L3MBTL4: variants seen among roughly 807,000 people sequenced by gnomAD.
L3MBTL4 encodes the protein lethal(3)malignant brain tumor-like protein 4.
A neutral mutation model predicts 84.5 loss-of-function variants in L3MBTL4; 70 were observed. The ratio of observed to expected loss-of-function variants is 0.83; its 90% CI spans 0.68 to 1.01. The LOEUF is 1.01. Ranked by LOEUF, L3MBTL4 falls within the 50% of genes least tolerant of loss-of-function variation. The pLI, the probability that L3MBTL4 is intolerant of heterozygous loss-of-function variation, is 0.00. For missense variants in L3MBTL4, 715 were observed against 754.8 expected (o/e 0.95, Z 0.62); for synonymous variants, 274 against 259.8 (o/e 1.05, Z -0.52).
At chr18:6,288,089 T>C (rs768022448) in intron 4 of L3MBTL4, among the ~76,000 whole-genome samples, 5 of 152,214 alleles carry the variant, frequency 3.3e-5, no homozygotes, top group Non-Finnish European at 5.9e-5. Flanking sequence ...TCCCATTTTG[T>C]CAGAAAAATA....
chr18:5,958,070 GAA>G (rs2095239360), intron 18 of L3MBTL4, among the ~76,000 whole-genome samples: 2 of 35,754 alleles, frequency 5.6e-5, no homozygotes, highest in Non-Finnish European at 8.2e-5. Flanking sequence ...AGGAGAAGAA[GAA>G]GAAGAAGAAG....
chr18:6,125,486 T>C (rs570497618), intron 14 of L3MBTL4, among the ~76,000 whole-genome samples: 1 of 152,302 alleles, frequency 6.6e-6, no homozygotes, highest in South Asian at 2.1e-4. Flanking sequence ...TGGAGTGTAG[T>C]GGCGTGATCT....
chr18:6,048,646 G>A (rs775278278), intron 16 of L3MBTL4, among the ~76,000 whole-genome samples: 6 of 151,908 alleles, frequency 3.9e-5, no homozygotes, highest in East Asian at 1.9e-4. Flanking sequence ...AAAATTAGCC[G>A]GGTGTGGTGG....
At chr18:6,290,452 C>T (rs59923688) in intron 4 of L3MBTL4, among the ~76,000 whole-genome samples, 28,753 of 152,018 alleles carry the variant, frequency 0.19, 2,861 homozygotes, top group African/African-American at 0.24. Context: ...TATTGCTTTT[C>T]ACAGCTTTTT....
intron 1 of L3MBTL4, among the ~76,000 whole-genome samples, chr18:6,341,640 C>G (rs1174057128): frequency 6.6e-6 from 1 of 151,702 alleles, no homozygotes; most frequent in Non-Finnish European, 1.5e-5. Flanking sequence ...ACTTATAGAA[C>G]AGCATCATGT....
rs781595894 is a variant in L3MBTL4 at position 6,107,898 on chromosome 18, C to T, written c.1200-14370G>A. ...GCCTGGAAATCTCCAAAGGTTTTAC[C>T]GAACACCACTTGTTTACTTTGTACC... On this transcript the variant is annotated intron_variant, in intron 14 of 18. Coordinates refer to ENST00000317931, the MANE Select transcript of L3MBTL4 (RefSeq NM_001330559.2). Among the ~76,000 whole-genome samples, 7 of 152,226 alleles carry T rather than the reference C, an allele frequency of 4.6e-5. No individual in the cohort carries two copies. In the East Asian group the frequency reaches 9.7e-4, roughly 21 times the overall value.
intron 14 of L3MBTL4, among the ~76,000 whole-genome samples, chr18:6,131,311 C>G (rs1340005880): frequency 1.3e-5 from 2 of 152,144 alleles, no homozygotes; most frequent in East Asian, 3.8e-4. Context: ...ACGCTTTCCC[C>G]AGGGTTTGGA....
At chr18:6,341,910 T>C (rs2052625442) in intron 1 of L3MBTL4, among the ~76,000 whole-genome samples, 1 of 151,764 alleles carries the variant, frequency 6.6e-6, no homozygotes, top group Admixed American at 6.6e-5. Flanking sequence ...ACTCATCACA[T>C]ATAAGGGAAA....
intron 5 of L3MBTL4, among the ~76,000 whole-genome samples, chr18:6,253,493 T>G (rs1297249247): frequency 2.0e-5 from 3 of 152,138 alleles, no homozygotes; most frequent in Non-Finnish European, 4.4e-5. Context: ...GGGGGTAAAA[T>G]GGGCAGTGCC....
chr18:6,330,336 C>T (rs2051964018), intron 1 of L3MBTL4, among the ~76,000 whole-genome samples: 1 of 152,208 alleles, frequency 6.6e-6, no homozygotes, highest in Non-Finnish European at 1.5e-5. Flanking sequence ...GGCTAAAAAT[C>T]AAGGTTTCAC....
At chr18:6,362,282 AAAG>A (rs1185196094) in intron 1 of L3MBTL4, among the ~76,000 whole-genome samples, 4 of 151,530 alleles carry the variant, frequency 2.6e-5, no homozygotes, top group African/African-American at 7.3e-5. Flanking sequence ...GAAGAAAAAG[AAAG>A]AAGAGAAAGA....
At chr18:6,351,626 A>C (rs906461003) in intron 1 of L3MBTL4, among the ~76,000 whole-genome samples, 2 of 151,596 alleles carry the variant, frequency 1.3e-5, no homozygotes, top group East Asian at 3.9e-4. Flanking sequence ...ATCTCGGCTC[A>C]CTGCAAGCTC....
At chr18:6,223,823 T>C (rs2046663275) in intron 10 of L3MBTL4, among the ~76,000 whole-genome samples, 2 of 152,144 alleles carry the variant, frequency 1.3e-5, no homozygotes, top group South Asian at 4.1e-4. Context: ...TACCAAGAAA[T>C]TGGAGGATAA....
At position 6,035,010 on chromosome 18, in the gene L3MBTL4, G is replaced by A. The variant is rs1217918082; in HGVS notation, c.1444+45871C>T. Among the ~76,000 whole-genome samples the A allele has an allele frequency of 4.6e-5, 7 of 151,686 alleles. 1 individual carries two copies. The East Asian group carries it at 1.4e-3, about 29-fold the overall frequency. On this transcript the variant is annotated intron_variant, in intron 16 of 18. Coordinates refer to ENST00000317931, the MANE Select transcript of L3MBTL4 (RefSeq NM_001330559.2). ...TGATGGGGTTGTTTGTTTTTTTCTTGTAAATTTGTTTGAATTCATTGTAGA... is the reference window on the plus strand; with the variant it reads ...TGATGGGGTTGTTTGTTTTTTTCTTATAAATTTGTTTGAATTCATTGTAGA...
At chr18:6,002,832 G>T (rs1303412595) in intron 16 of L3MBTL4, among the ~76,000 whole-genome samples, 1 of 151,788 alleles carries the variant, frequency 6.6e-6, no homozygotes, top group Non-Finnish European at 1.5e-5. Context: ...GAGGCAGTAA[G>T]TCCCTCCTTC....
chr18:6,321,937 A>G (rs879481304), intron 1 of L3MBTL4, among the ~76,000 whole-genome samples: 1 of 152,184 alleles, frequency 6.6e-6, no homozygotes, highest in Non-Finnish European at 1.5e-5. Context: ...AAAAAACTAC[A>G]TATTTGGTAT....
chr18:5,968,175 A>G (rs575358461), intron 17 of L3MBTL4, among the ~76,000 whole-genome samples: 1 of 152,380 alleles, frequency 6.6e-6, no homozygotes, highest in Non-Finnish European at 1.5e-5. Flanking sequence ...CTCCAGGAAC[A>G]TTGTGTGACT....
chr18:6,153,481 A>C (rs1203473676), intron 13 of L3MBTL4, among the ~76,000 whole-genome samples: 1 of 152,114 alleles, frequency 6.6e-6, no homozygotes, highest in East Asian at 1.9e-4. Flanking sequence ...TGCTATTGTA[A>C]ATGGAATTTG....
rs985920075 is a variant in L3MBTL4, at chr18:6,287,593, A to C, written c.127+14310T>G. Among the ~76,000 whole-genome samples, 3 of 152,178 alleles carry C rather than the reference A, an allele frequency of 2.0e-5. 1 individual carries two copies. Among genetic ancestry groups the C allele is most frequent in the Admixed American group, 2.0e-4 (3 of 15,276 alleles). ...CTTAAAAGCAAAACGTGAAACTCCC[A>C]TGTAAATAACACCCTCTCTACACTA... On this transcript the variant is annotated intron_variant, in intron 4 of 18. Transcript: ENST00000317931.
Sources: gnomAD v4.1 joint callset for allele counts (sites outside exome capture counted in the v4.1 genomes callset) on GRCh38, gnomAD v4.1.1 for gene constraint, MANE v1.5 for transcripts, NCBI Gene and HGNC (gene_info 2026-07-23, HGNC 2026-07-21) for gene names.